Variants in UTRN observed in about 807,000 individuals in gnomAD.
The protein encoded by UTRN is utrophin.
UTRN carries 283 observed loss-of-function variants against 463.9 expected under a neutral mutation model. The observed-to-expected ratio is 0.61, with a 90% CI of 0.55 to 0.67. UTRN has a LOEUF of 0.67. Among genes scored for constraint, UTRN ranks in the 30% least tolerant of loss-of-function variants. The pLI, the probability that UTRN is intolerant of heterozygous loss-of-function variation, is 0.00. For missense variants in UTRN, 3,922 were observed against 4,084.3 expected (o/e 0.96, Z 1.08); for synonymous variants, 1,442 against 1,431.5 (o/e 1.01, Z -0.17).
chr6:144,805,776 T>G (rs1586648966), intron 65 of UTRN, among the ~76,000 whole-genome samples: 2 of 152,172 alleles, frequency 1.3e-5, no homozygotes. Context: ...TGTAGGGCCC[T>G]GTACAACTGC....
At chr6:144,573,956 C>T (rs1255751190) in intron 50 of UTRN, among the ~76,000 whole-genome samples, 3 of 152,108 alleles carry the variant, frequency 2.0e-5, no homozygotes, top group Non-Finnish European at 4.4e-5. Context: ...TGACCTTTTA[C>T]GAACTCATAA....
intron 2 of UTRN, among the ~76,000 whole-genome samples, chr6:144,295,096 A>G (rs1381897182): frequency 6.6e-6 from 1 of 152,256 alleles, no homozygotes; most frequent in African/African-American, 2.4e-5. Flanking sequence ...GGCTTTAGAA[A>G]GTTCAACAAG....
At chr6:144,444,185 A>G in intron 13 of UTRN, 96 bp from the exon 14 acceptor site, 12 of 985,544 alleles carry the variant, frequency 1.2e-5, no homozygotes, top group Admixed American at 3.1e-5. Flanking sequence ...TTGTTATTCT[A>G]TAATAAAGAA....
chr6:144,814,086 G>A (rs1313620323), intron 65 of UTRN, among the ~76,000 whole-genome samples: 1 of 152,200 alleles, frequency 6.6e-6, no homozygotes, highest in African/African-American at 2.4e-5. Context: ...TGAATGGAAT[G>A]TTTATGTCCC....
intron 54 of UTRN, among the ~76,000 whole-genome samples, chr6:144,741,946 C>G (rs777958451): frequency 6.6e-6 from 1 of 152,112 alleles, no homozygotes; most frequent in Admixed American, 6.6e-5. Flanking sequence ...CCCTCCAAAG[C>G]GTGTTTTGTA....
At chr6:144,690,871 C>T (rs149549948) in intron 52 of UTRN, among the ~76,000 whole-genome samples, 5 of 152,162 alleles carry the variant, frequency 3.3e-5, no homozygotes, top group African/African-American at 1.2e-4. Flanking sequence ...TGGGGACTTA[C>T]AATTTTTGGC....
At chr6:144,578,707 T>A (rs986690874) in intron 51 of UTRN, among the ~76,000 whole-genome samples, 4 of 152,216 alleles carry the variant, frequency 2.6e-5, no homozygotes, top group Non-Finnish European at 5.9e-5. Flanking sequence ...GAGATTATAT[T>A]ATCTGTATTG....
chr6:144,325,171 G>T (rs1775902060), intron 2 of UTRN, among the ~76,000 whole-genome samples: 1 of 151,426 alleles, frequency 6.6e-6, no homozygotes, highest in African/African-American at 2.5e-5. Context: ...GTCTGCTATA[G>T]CTTGAAGTGT....
intron 39 of UTRN, among the ~76,000 whole-genome samples, 185 bp from the exon 40 acceptor site, chr6:144,521,795 G>A (rs1368514448): frequency 6.6e-6 from 1 of 151,870 alleles, no homozygotes; most frequent in Non-Finnish European, 1.5e-5. Flanking sequence ...TGAAAATTAG[G>A]ATACAGATTG....
chr6:144,718,600 C>T (rs1188716494), intron 53 of UTRN, among the ~76,000 whole-genome samples: 1 of 152,200 alleles, frequency 6.6e-6, no homozygotes, highest in Non-Finnish European at 1.5e-5. Flanking sequence ...CAAGTAAGGG[C>T]CCATGAGCAC....
intron 13 of UTRN, 146 bp from the exon 14 acceptor site, chr6:144,444,133 CTG>C: frequency 3.6e-6 from 2 of 558,410 alleles, no homozygotes; most frequent in Non-Finnish European, 5.9e-6. Context: ...TAGGCCTAGT[CTG>C]TTATTTTAAA....
Position 144,459,310 on chromosome 6 carries a change from C to A in UTRN, c.2663C>A (p.Ala888Asp). The change falls in exon 21 of 75, where the codon GCT becomes GAT. Residue 888 changes from alanine to aspartate, a missense_variant. Physicochemically the swap from Ala to Asp is moderately radical, Grantham distance 126. Transcript: ENST00000367545. ...GATAGCTTTCTGGGCCGCTACCAAG[C>A]TGTACAAGAGGCTGTAGAGGATCGT... ...GFDSFLGRYQ[A>D]VQEAVEDRQQ... The A allele has an allele frequency of 6.2e-7, 1 of 1,613,998 alleles. No homozygotes were observed. Among genetic ancestry groups the A allele is most frequent in the Non-Finnish European group, 8.5e-7 (1 of 1,179,958 alleles).
chr6:144,288,315 A>G (rs1344802720), intron 1 of UTRN, among the ~76,000 whole-genome samples: 1 of 152,238 alleles, frequency 6.6e-6, no homozygotes, highest in African/African-American at 2.4e-5. Context: ...GTTACTGATA[A>G]TGGGCAAATG....
intron 2 of UTRN, among the ~76,000 whole-genome samples, chr6:144,306,275 A>G (rs1034183457): frequency 1.3e-5 from 2 of 152,076 alleles, no homozygotes; most frequent in Admixed American, 6.6e-5. Flanking sequence ...AGCCACGTGG[A>G]GCATGGATGG....
At chr6:144,581,742 A>G in intron 51 of UTRN, among the ~76,000 whole-genome samples, 1 of 152,164 alleles carries the variant, frequency 6.6e-6, no homozygotes, top group Non-Finnish European at 1.5e-5. Context: ...TTTACAATTC[A>G]TTTGTTTCTA....
At chr6:144,549,309 A>G (rs778408988) in intron 47 of UTRN, among the ~76,000 whole-genome samples, 1 of 152,128 alleles carries the variant, frequency 6.6e-6, no homozygotes, top group Non-Finnish European at 1.5e-5. Context: ...CTTTTTCCCT[A>G]TTTAGTGTGT....
chr6:144,795,977 A>G (rs1024776265), intron 63 of UTRN, among the ~76,000 whole-genome samples: 1 of 152,072 alleles, frequency 6.6e-6, no homozygotes, highest in African/African-American at 2.4e-5. Flanking sequence ...TTAGTCATGA[A>G]GTCTTTGCCC....
intron 65 of UTRN, among the ~76,000 whole-genome samples, chr6:144,818,021 T>C (rs1415010555): frequency 6.6e-6 from 1 of 152,208 alleles, no homozygotes; most frequent in Non-Finnish European, 1.5e-5. Flanking sequence ...TGGTCTTTCA[T>C]GTCTTGAAAA....
chr6:144,799,434 C>G (rs781563643), intron 64 of UTRN: 4 of 471,496 alleles, frequency 8.5e-6, no homozygotes, highest in South Asian at 6.2e-5. Context: ...AGATGACTTC[C>G]AGTGGAAGTC....
Sources: gnomAD v4.1 joint callset for allele counts (sites outside exome capture counted in the v4.1 genomes callset) on GRCh38, gnomAD v4.1.1 for gene constraint, MANE v1.5 for transcripts, NCBI Gene and HGNC (gene_info 2026-07-23, HGNC 2026-07-21) for gene names.